The following COL11A1 variants were observed in gnomAD, a reference collection of about 807,000 sequenced individuals.
COL11A1 encodes collagen alpha-1(XI) chain.
Under a neutral mutation model 265.2 loss-of-function variants are expected in COL11A1, and 74 were observed. That is an observed-to-expected ratio of 0.28 (90% CI 0.23 to 0.34). The LOEUF is 0.34. Among genes scored for constraint, COL11A1 ranks in the 10% least tolerant of loss-of-function variants. The pLI is 1.00. For missense variants in COL11A1, 2,165 were observed against 2,263.6 expected (o/e 0.96, Z 0.88); for synonymous variants, 816 against 727.6 (o/e 1.12, Z -1.96).
chr1:102,974,447 A>G (rs1662271372), intron 36 of COL11A1, among the ~76,000 whole-genome samples: 1 of 152,182 alleles, frequency 6.6e-6, no homozygotes, highest in African/African-American at 2.4e-5. Context: ...GGAGGGATTT[A>G]GGAAGTGATA....
intron 54 of COL11A1, among the ~76,000 whole-genome samples, chr1:102,905,071 T>C (rs1289965893): frequency 1.3e-5 from 2 of 151,342 alleles, no homozygotes; most frequent in Non-Finnish European, 2.9e-5. Flanking sequence ...ATGTCCTTTG[T>C]AGGGACATGG....
intron 1 of COL11A1, among the ~76,000 whole-genome samples, chr1:103,092,587 G>A (rs1673412826): frequency 6.6e-6 from 1 of 152,090 alleles, no homozygotes; most frequent in African/African-American, 2.4e-5. Flanking sequence ...AGTGCATTCT[G>A]TACTACTGTA....
chr1:103,025,728 T>C, intron 6 of COL11A1, 115 bp from the exon 7 acceptor site: 1 of 1,590,176 alleles, frequency 6.3e-7, no homozygotes, highest in Admixed American at 1.7e-5. Flanking sequence ...CTAGTTGGGT[T>C]AAGACTATGA....
chr1:103,067,189 GC>G (rs1671226518), intron 4 of COL11A1, among the ~76,000 whole-genome samples: 1 of 151,856 alleles, frequency 6.6e-6, no homozygotes, highest in South Asian at 2.1e-4. Flanking sequence ...ATTTCACAAT[GC>G]ACTTTCTTTT....
At position 102,890,527 on chromosome 1, in the gene COL11A1, C is replaced by A. The variant is rs200021369; in HGVS notation, c.4303-23G>T. ...TCCCTAAATAATAACAAAAAAAAAA[C>A]CCCAAAACAAAAACAGAGTAGGTAT... On this transcript the variant is annotated intron_variant, in intron 57 of 66. Coordinates refer to ENST00000370096, the MANE Select transcript of COL11A1 (RefSeq NM_001854.4). The A allele has an allele frequency of 4.8e-4, 750 of 1,553,250 alleles. 1 individual carries two copies. Among genetic ancestry groups the A allele is most frequent in the Middle Eastern group, 2.9e-3 (17 of 5,812 alleles).
intron 10 of COL11A1, among the ~76,000 whole-genome samples, chr1:103,018,464 C>T (rs1330993055): frequency 6.6e-6 from 1 of 152,140 alleles, no homozygotes; most frequent in African/African-American, 2.4e-5. Context: ...ATAGATAAGG[C>T]AGCTGCAGTC....
At chr1:102,951,027 C>A (rs903772220) in intron 41 of COL11A1, among the ~76,000 whole-genome samples, 2 of 152,060 alleles carry the variant, frequency 1.3e-5, no homozygotes, top group African/African-American at 4.8e-5. Context: ...GTAAGTTTCC[C>A]GAGGCTTCCC....
intron 28 of COL11A1, among the ~76,000 whole-genome samples, chr1:102,994,626 T>C (rs71664952): frequency 0.024 from 3,671 of 152,234 alleles, 61 homozygotes; most frequent in Middle Eastern, 0.092. Flanking sequence ...TAATAGAGTA[T>C]GTTCTTATGA....
intron 7 of COL11A1, among the ~76,000 whole-genome samples, chr1:103,024,433 G>C (rs1314805068): frequency 6.6e-6 from 1 of 152,104 alleles, no homozygotes; most frequent in Non-Finnish European, 1.5e-5. Flanking sequence ...TTAGATAATA[G>C]TATTACACAA....
chr1:103,025,220 C>T (rs534741950), intron 7 of COL11A1, among the ~76,000 whole-genome samples: 91 of 152,172 alleles, frequency 6.0e-4, no homozygotes, highest in Non-Finnish European at 1.1e-3. Context: ...CCCTTAGTCA[C>T]AACATGTTGA....
intron 54 of COL11A1, among the ~76,000 whole-genome samples, chr1:102,905,228 TG>T (rs896230962): frequency 5.6e-5 from 4 of 71,908 alleles, no homozygotes; most frequent in Admixed American, 1.9e-4. Flanking sequence ...TGTTGTGGGG[TG>T]GGGGGAGGGG....
intron 35 of COL11A1, among the ~76,000 whole-genome samples, chr1:102,977,796 T>C (rs919110382): frequency 6.6e-6 from 1 of 152,134 alleles, no homozygotes; most frequent in African/African-American, 2.4e-5. Context: ...GGAAAATTAA[T>C]TAAATATGAG....
At chr1:103,067,590 C>T (rs1671254706) in intron 4 of COL11A1, among the ~76,000 whole-genome samples, 1 of 151,326 alleles carries the variant, frequency 6.6e-6, no homozygotes, top group East Asian at 1.9e-4. Flanking sequence ...TTTTCTTTTT[C>T]AAATCTATGA....
intron 4 of COL11A1, among the ~76,000 whole-genome samples, chr1:103,051,622 G>A (rs180815423): frequency 8.2e-4 from 125 of 152,264 alleles, no homozygotes; most frequent in African/African-American, 3.0e-3. Flanking sequence ...TGCACCCACT[G>A]TCTGGCACAC....
intron 4 of COL11A1, among the ~76,000 whole-genome samples, chr1:103,046,959 G>A (rs1438259565): frequency 3.3e-5 from 5 of 152,068 alleles, no homozygotes; most frequent in Non-Finnish European, 5.9e-5. Context: ...TGTTCCATTG[G>A]TCTATATCTC....
intron 41 of COL11A1, among the ~76,000 whole-genome samples, chr1:102,949,565 AACTG>A (rs1291148791): frequency 3.3e-5 from 5 of 152,212 alleles, no homozygotes; most frequent in Non-Finnish European, 5.9e-5. Flanking sequence ...TAAGAGAATT[AACTG>A]ACTTACAATT....
At chr1:103,086,689 T>G (rs948777622) in intron 1 of COL11A1, among the ~76,000 whole-genome samples, 1 of 152,168 alleles carries the variant, frequency 6.6e-6, no homozygotes, top group Admixed American at 6.5e-5. Context: ...GTGCTGGGAT[T>G]ACAGGCGTGA....
chr1:103,087,106 T>C (rs1251241591), intron 1 of COL11A1, among the ~76,000 whole-genome samples: 2 of 152,218 alleles, frequency 1.3e-5, no homozygotes, highest in East Asian at 1.9e-4. Context: ...ATATGATATA[T>C]GAAAAAAGTA....
rs1292563811 is a variant in COL11A1 at position 103,082,942 on chromosome 1, T to A, written c.137A>T (p.Asp46Val). The A allele has an allele frequency of 6.2e-7, 1 of 1,613,076 alleles. No homozygotes were observed. Among genetic ancestry groups the A allele is most frequent in the East Asian group, 2.2e-5 (1 of 44,828 alleles). Reference sequence around the variant, plus strand: ...TATTCCCTCTGGAGAATTGTGAAAATCTAGTGCTTTTAGTACATCAACTGG... The same window carrying A: ...TATTCCCTCTGGAGAATTGTGAAAAACTAGTGCTTTTAGTACATCAACTGG... ...AAPVDVLKAL[D>V]FHNSPEGISK... The change falls in exon 2 of 67, where the codon GAT becomes GTT. Residue 46 changes from aspartate to valine, a missense_variant. By Grantham distance (152) the Asp-to-Val change is radical. Coordinates refer to ENST00000370096, the MANE Select transcript of COL11A1 (RefSeq NM_001854.4).
Sources: gnomAD v4.1 joint callset for allele counts (sites outside exome capture counted in the v4.1 genomes callset) on GRCh38, gnomAD v4.1.1 for gene constraint, MANE v1.5 for transcripts, NCBI Gene and HGNC (gene_info 2026-07-23, HGNC 2026-07-21) for gene names.